The following ADGRB3 variants were observed in gnomAD, a reference collection of about 807,000 sequenced individuals.
The protein encoded by ADGRB3 is adhesion G protein-coupled receptor B3, also known as brain-specific angiogenesis inhibitor 3.
In ADGRB3, 37 loss-of-function variants were observed where a neutral mutation model predicts 193.4. The observed-to-expected ratio is 0.19, with a 90% confidence interval of 0.15 to 0.25. ADGRB3 has a LOEUF of 0.25. Ranked by LOEUF, ADGRB3 falls within the 10% of genes least tolerant of loss-of-function variation. The pLI is 1.00. For synonymous variants in ADGRB3, 690 were observed against 644.2 expected (o/e 1.07, Z -1.08); for missense variants, 1,637 against 1,852.9 (o/e 0.88, Z 2.14).
chr6:68,693,554 A>C (rs1325774923), intron 3 of ADGRB3, among the ~76,000 whole-genome samples: 1 of 152,024 alleles, frequency 6.6e-6, no homozygotes, highest in East Asian at 1.9e-4. Flanking sequence ...TTAAGAAAGA[A>C]AATGATAGTG....
chr6:69,137,078 A>AGG (rs1774173771), intron 17 of ADGRB3, among the ~76,000 whole-genome samples: 1 of 121,450 alleles, frequency 8.2e-6, no homozygotes, highest in East Asian at 2.4e-4. Flanking sequence ...TTTTTTTTTA[A>AGG]TGGTAAGATC....
chr6:68,828,954 T>G (rs1405466612), intron 3 of ADGRB3, among the ~76,000 whole-genome samples: 5 of 152,064 alleles, frequency 3.3e-5, no homozygotes, highest in Non-Finnish European at 7.4e-5. Context: ...AGCTATTATC[T>G]TATAATTTTT....
At chr6:69,128,073 AAT>A (rs1179987229) in intron 17 of ADGRB3, among the ~76,000 whole-genome samples, 5 of 152,124 alleles carry the variant, frequency 3.3e-5, no homozygotes, top group African/African-American at 7.2e-5. Flanking sequence ...TTTGTAAAAA[AAT>A]ATATAGTTAC....
chr6:69,013,344 C>A (rs1283458225), intron 11 of ADGRB3, among the ~76,000 whole-genome samples: 1 of 152,016 alleles, frequency 6.6e-6, no homozygotes, highest in East Asian at 1.9e-4. Context: ...GAAGATAAAG[C>A]CAATAGGTCT....
chr6:69,375,998 T>C (rs1769809399), intron 30 of ADGRB3, among the ~76,000 whole-genome samples: 1 of 151,184 alleles, frequency 6.6e-6, no homozygotes, highest in South Asian at 2.1e-4. Context: ...CATATACTTG[T>C]CATACGGATA....
chr6:68,986,842 A>G (rs1769090643), intron 10 of ADGRB3, among the ~76,000 whole-genome samples: 1 of 152,164 alleles, frequency 6.6e-6, no homozygotes, highest in Non-Finnish European at 1.5e-5. Flanking sequence ...CAGAGCAACT[A>G]TGATAAACCT....
chr6:69,330,383 C>A, intron 22 of ADGRB3, 123 bp from the exon 23 acceptor site: 1 of 543,380 alleles, frequency 1.8e-6, no homozygotes, highest in Non-Finnish European at 3.1e-6. Flanking sequence ...TTTTTTATTA[C>A]AAATGTTTAA....
intron 17 of ADGRB3, among the ~76,000 whole-genome samples, chr6:69,130,800 T>C (rs1245006472): frequency 1.3e-5 from 2 of 152,042 alleles, no homozygotes; most frequent in East Asian, 3.9e-4. Context: ...TGATTTCAGC[T>C]CTTTAATGCC....
intron 15 of ADGRB3, 68 bp from the exon 16 acceptor site, chr6:69,062,866 A>T: frequency 1.8e-6 from 2 of 1,119,050 alleles, no homozygotes; most frequent in Non-Finnish European, 2.7e-6. Flanking sequence ...CCCAAAATGT[A>T]TTGAGCAGTA....
At chr6:68,902,023 A>G (rs911638236) in intron 3 of ADGRB3, among the ~76,000 whole-genome samples, 13 of 152,264 alleles carry the variant, frequency 8.5e-5, no homozygotes, top group Middle Eastern at 3.4e-3. Context: ...AACTATTATG[A>G]AATGGGCATG....
At chr6:68,662,644 A>G (rs573698344) in intron 3 of ADGRB3, among the ~76,000 whole-genome samples, 1 of 151,702 alleles carries the variant, frequency 6.6e-6, no homozygotes, top group African/African-American at 2.4e-5. Flanking sequence ...ATAAATGAGT[A>G]TATCTCAAAA....
intron 26 of ADGRB3, among the ~76,000 whole-genome samples, chr6:69,343,955 G>A (rs536542583): frequency 3.9e-5 from 6 of 152,240 alleles, no homozygotes; most frequent in South Asian, 2.1e-4. Context: ...CATTGCTATG[G>A]AAATGGAAGG....
intron 28 of ADGRB3, among the ~76,000 whole-genome samples, chr6:69,357,139 C>T (rs918821029): frequency 1.3e-4 from 20 of 152,006 alleles, no homozygotes; most frequent in South Asian, 4.2e-4. Flanking sequence ...AGGTAGCCTC[C>T]GATTTATCAA....
intron 20 of ADGRB3, among the ~76,000 whole-genome samples, chr6:69,254,793 G>A (rs1186277263): frequency 6.6e-6 from 1 of 150,650 alleles, no homozygotes; most frequent in African/African-American, 2.4e-5. Flanking sequence ...TGCCATGCTG[G>A]TGTGCTGCAC....
intron 3 of ADGRB3, among the ~76,000 whole-genome samples, chr6:68,854,539 T>C (rs940036762): frequency 1.3e-5 from 2 of 149,072 alleles, no homozygotes; most frequent in South Asian, 4.3e-4. Flanking sequence ...TCTAAAAAAT[T>C]TTTTTTTGGA....
intron 3 of ADGRB3, among the ~76,000 whole-genome samples, chr6:68,648,566 C>G (rs965192718): frequency 6.7e-6 from 1 of 148,158 alleles, no homozygotes; most frequent in Non-Finnish European, 1.5e-5. Context: ...AGCAAATGTA[C>G]TCAGACGTTA....
At chr6:69,339,602 C>A in intron 26 of ADGRB3, 98 bp downstream of exon 26, 2 of 1,357,448 alleles carry the variant, frequency 1.5e-6, no homozygotes, top group Non-Finnish European at 2.0e-6. Flanking sequence ...CAGATTAAAG[C>A]TGGTCTCCTC....
At chr6:68,912,300 A>G (rs536749282) in intron 3 of ADGRB3, among the ~76,000 whole-genome samples, 2 of 151,844 alleles carry the variant, frequency 1.3e-5, no homozygotes, top group South Asian at 2.1e-4. Context: ...CCTAATATTA[A>G]CACTTATTAA....
chr6:69,171,742 G>T (rs1182929586), intron 17 of ADGRB3, among the ~76,000 whole-genome samples: 1 of 151,408 alleles, frequency 6.6e-6, no homozygotes, highest in Non-Finnish European at 1.5e-5. Context: ...TTAGCATAAA[G>T]AATGAATACA....
Sources: gnomAD v4.1 joint callset for allele counts (sites outside exome capture counted in the v4.1 genomes callset) on GRCh38, gnomAD v4.1.1 for gene constraint, MANE v1.5 for transcripts, NCBI Gene and HGNC (gene_info 2026-07-23, HGNC 2026-07-21) for gene names.